The following CHD5 variants were observed in gnomAD, a reference collection of about 807,000 sequenced individuals.
CHD5 encodes the protein ATP-dependent chromatin remodeler CHD5.
A neutral mutation model predicts 230.3 loss-of-function variants in CHD5; 69 were observed. The ratio of observed to expected loss-of-function variants is 0.30; its 90% CI spans 0.25 to 0.37. The LOEUF (loss-of-function observed/expected upper bound fraction) is 0.37. Among genes scored for constraint, CHD5 ranks in the 10% least tolerant of loss-of-function variants. CHD5 has a pLI of 1.00. For missense variants in CHD5, 1,827 were observed against 2,622.8 expected (o/e 0.70, Z 6.63); for synonymous variants, 1,064 against 1,065.9 (o/e 1.00, Z 0.03).
intron 1 of CHD5, among the ~76,000 whole-genome samples, chr1:6,172,464 A>G (rs1225745673): frequency 1.3e-5 from 2 of 152,100 alleles, no homozygotes; most frequent in Admixed American, 6.5e-5. Flanking sequence ...CAGCTGGGAC[A>G]ACACGCACAA....
chr1:6,114,453 T>C (rs1382319625), intron 33 of CHD5, among the ~76,000 whole-genome samples: 1 of 151,642 alleles, frequency 6.6e-6, no homozygotes. Flanking sequence ...GGGCCACACA[T>C]AAAATACACT....
chr1:6,120,983 T>C, intron 33 of CHD5, 122 bp downstream of exon 33: 1 of 1,171,854 alleles, frequency 8.5e-7, no homozygotes, highest in Non-Finnish European at 1.1e-6. Flanking sequence ...CTGCAGAGGG[T>C]TGGAGTCTAC....
At position 6,171,394 on chromosome 1, in the gene CHD5, G is replaced by A. The variant is rs115912422; in HGVS notation, c.80-3117C>T. Among the ~76,000 whole-genome samples, 1,271 of 152,238 alleles carry A rather than the reference G, an allele frequency of 8.3e-3. 20 individuals carry two copies. The highest frequency in any genetic ancestry group is 0.029 in the African/African-American group (1,207 of 41,522). On this transcript the variant is annotated intron_variant, in intron 1 of 41. Transcript: ENST00000262450. Reference sequence around the variant, plus strand: ...TGAGAAGGCTCTGGAACTGGCACACGGAGACGGGGACTCAGCCCTGCCTAA... The same window carrying A: ...TGAGAAGGCTCTGGAACTGGCACACAGAGACGGGGACTCAGCCCTGCCTAA...
At position 6,142,495 on chromosome 1, in the gene CHD5, G is replaced by A; in HGVS notation, c.2154C>T (p.Gly718=). 1 of 1,614,056 alleles carries A rather than the reference G, an allele frequency of 6.2e-7. No homozygotes were observed. The highest frequency in any genetic ancestry group is 8.5e-7 in the Non-Finnish European group (1 of 1,179,980). The stretch of plus-strand genomic sequence containing the variant: ...TCTCATCGGCCAGGATGGTGTCAGT[G>A]CCCTGGGCCCAAGAGAAGCGCAGCC... The part of the protein sequence containing the change: ...LNWLRFSWAQ[G]TDTILADEMG... The change falls in exon 14 of 42, where the codon GGC becomes GGT. Residue 718 remains glycine, a synonymous_variant. Transcript: ENST00000262450. This position sits in a 1 kb window ranked among gnomAD's most constrained non-coding sequence, Gnocchi z 5.2.
chr1:6,112,031 G>T, intron 35 of CHD5, 109 bp downstream of exon 35: 2 of 1,432,468 alleles, frequency 1.4e-6, no homozygotes, highest in Non-Finnish European at 1.9e-6. Flanking sequence ...TTATACGATG[G>T]ACTTCCATCA....
chr1:6,159,385 C>G lies in CHD5; in HGVS notation c.338G>C (p.Arg113Pro). Residue 113 changes from arginine (R) to proline (P), a missense_variant, in exon 3 of 42, where the codon CGA (arginine) becomes CCA (proline). This residue lies in a region of CHD5 where 657 missense variants were observed against 816.4 expected (regional missense o/e 0.80). Transcript: ENST00000262450. ...ATCCTCATCCTCATCCTTCTTTTTTCGCTTGGCTTTTTTCTCCTTCTTGTC... is the reference window on the plus strand; with the variant it reads ...ATCCTCATCCTCATCCTTCTTTTTTGGCTTGGCTTTTTTCTCCTTCTTGTC... ...LKDKKEKKAK[R>P]KKKDEDEDDN... is the part of the protein sequence containing the mutation. 1 of 1,552,348 alleles carries G rather than the reference C, an allele frequency of 6.4e-7. No homozygotes were observed. The highest frequency in any genetic ancestry group is 8.7e-7 in the Non-Finnish European group (1 of 1,147,052).
chr1:6,177,112 C>A (rs1055660803), intron 1 of CHD5, among the ~76,000 whole-genome samples: 1 of 152,180 alleles, frequency 6.6e-6, no homozygotes, highest in Non-Finnish European at 1.5e-5. Context: ...GAAAAAAGAT[C>A]GGACAAGTCA....
chr1:6,134,379 C>A lies in CHD5; in HGVS notation c.3013-120G>T. The A allele has an allele frequency of 8.0e-7, 1 of 1,255,936 alleles. No homozygotes were observed. The highest frequency in any genetic ancestry group is 1.4e-5 in the South Asian group (1 of 73,788). 77.8% of individuals were successfully genotyped at this position (1,255,936 alleles called of 1,614,324 possible). ...AATGGGGTGATGGCCTGTCTGCCCA[C>A]TGAACATGAGACCCACACCCGAGCC... On this transcript the variant is annotated intron_variant, in intron 19 of 41. Transcript: ENST00000262450. The surrounding 1 kb of genome is among the most constrained non-coding windows in gnomAD (Gnocchi z 6.3).
intron 7 of CHD5, among the ~76,000 whole-genome samples, chr1:6,150,495 AGGATGGAT>A: frequency 8.3e-6 from 1 of 120,708 alleles, no homozygotes; most frequent in African/African-American, 3.2e-5. Context: ...GATGGACAAA[AGGATGGAT>A]GAATGGATGG....
At position 6,103,638 on chromosome 1, in the gene CHD5, A is replaced by C. The variant is rs1056586097; in HGVS notation, c.*1836T>G. On this transcript the variant is annotated 3_prime_UTR_variant, in exon 42 of 42. Transcript: ENST00000262450. ...AGGCACCGCAGAGCACACAACACGC[A>C]TGTGGATGAACCATAACATGTGAGC... 2 of 152,330 alleles carry C rather than the reference A, an allele frequency of 1.3e-5. No individual in the cohort carries two copies. Among genetic ancestry groups the C allele is most frequent in the Non-Finnish European group, 2.9e-5 (2 of 68,120 alleles). The allele number at this position is 152,330 out of a possible 1,614,324, so 9.4% of individuals were successfully genotyped here. A position where few individuals can be genotyped will look rare whatever the true frequency, so the allele number is the denominator to read the frequency against.
intron 1 of CHD5, among the ~76,000 whole-genome samples, chr1:6,173,895 T>C (rs1667378514): frequency 6.6e-6 from 1 of 152,220 alleles, no homozygotes; most frequent in African/African-American, 2.4e-5. Flanking sequence ...AAGAGAGGAT[T>C]CATAATTTAT....
intron 1 of CHD5, among the ~76,000 whole-genome samples, chr1:6,169,363 G>A (rs1158603049): frequency 6.6e-6 from 1 of 152,228 alleles, no homozygotes; most frequent in Non-Finnish European, 1.5e-5. Flanking sequence ...CACCTCACCT[G>A]CACTGACTCG....
Position 6,134,628 on chromosome 1 carries a change from T to C in CHD5, c.3012+90A>G. 7.4e-7 allele frequency: 1 copy of C among 1,349,466 alleles called. No individual in the cohort carries two copies. Among genetic ancestry groups the C allele is most frequent in the Non-Finnish European group, 1.1e-6 (1 of 946,496 alleles). The allele number at this position is 1,349,466 out of a possible 1,614,324, so 83.6% of individuals were successfully genotyped here. A position where few individuals can be genotyped will look rare whatever the true frequency, so the allele number is the denominator to read the frequency against. On this transcript the variant is annotated intron_variant, in intron 19 of 41. Coordinates refer to ENST00000262450, the MANE Select transcript of CHD5 (RefSeq NM_015557.3). The surrounding 1 kb of genome is among the most constrained non-coding windows in gnomAD (Gnocchi z 6.3). Reference sequence around the variant, plus strand: ...TCGCCACAATGGCCAGGAGAACCTATCACAGCGGCCACAGGGACCTACCAT... The same window carrying C: ...TCGCCACAATGGCCAGGAGAACCTACCACAGCGGCCACAGGGACCTACCAT...
intron 30 of CHD5, 145 bp downstream of exon 30, chr1:6,124,372 G>C: frequency 2.2e-6 from 2 of 921,274 alleles, no homozygotes; most frequent in South Asian, 3.0e-5. Flanking sequence ...AGGCTTTCCA[G>C]GTCAGTCCCT....
At chr1:6,127,809 G>C (rs1050969289) in intron 25 of CHD5, among the ~76,000 whole-genome samples, 1 of 152,226 alleles carries the variant, frequency 6.6e-6, no homozygotes, top group African/African-American at 2.4e-5. Flanking sequence ...CTGAGCCCGC[G>C]GGTGGAGCGA....
intron 3 of CHD5, among the ~76,000 whole-genome samples, chr1:6,158,331 G>C (rs1340695629): frequency 6.6e-6 from 1 of 152,246 alleles, no homozygotes; most frequent in African/African-American, 2.4e-5. Flanking sequence ...GAGACTCCGG[G>C]AATGCCTGCT....
At chr1:6,170,361 G>C (rs1266908411) in intron 1 of CHD5, among the ~76,000 whole-genome samples, 1 of 152,174 alleles carries the variant, frequency 6.6e-6, no homozygotes, top group African/African-American at 2.4e-5. Context: ...CTCCTACCCT[G>C]GGTCTCTGGG....
In CHD5 at chr1:6,125,439, CG is replaced by C; in HGVS notation, c.4260+84del. 7.1e-7 allele frequency: 1 copy of C among 1,418,432 alleles called. No individual in the cohort carries two copies. Among genetic ancestry groups the C allele is most frequent in the Non-Finnish European group, 9.7e-7 (1 of 1,032,650 alleles). The allele number at this position is 1,418,432 out of a possible 1,614,324, so 87.9% of individuals were successfully genotyped here. On this transcript the variant is annotated intron_variant, in intron 28 of 41. Coordinates refer to ENST00000262450, the MANE Select transcript of CHD5 (RefSeq NM_015557.3). This position sits in a 1 kb window ranked among gnomAD's most constrained non-coding sequence, Gnocchi z 6.7. ...CTCCGCCTCTACCTGGCATGAGACC[CG>C]GGGCAGTCCCCCAGCCCTCCTCCAT... is the stretch of plus-strand genomic sequence containing the variant.
chr1:6,172,190 C>T (rs1313479990), intron 1 of CHD5, among the ~76,000 whole-genome samples: 2 of 152,330 alleles, frequency 1.3e-5, no homozygotes, highest in Non-Finnish European at 1.5e-5. Flanking sequence ...CTCAGGGTAG[C>T]GCATTGCAAT....
Sources: gnomAD v4.1 joint callset for allele counts (sites outside exome capture counted in the v4.1 genomes callset) on GRCh38, gnomAD v4.1.1 for gene constraint, gnomAD v4.1.1 regional missense constraint, Gnocchi (gnomAD v3.1) non-coding constraint, MANE v1.5 for transcripts, NCBI Gene and HGNC (gene_info 2026-07-23, HGNC 2026-07-21) for gene names.